The following TMIGD3 variants were observed in gnomAD, a reference collection of about 807,000 sequenced individuals.
TMIGD3 encodes the protein transmembrane and immunoglobulin domain containing 3.
In TMIGD3, 21 loss-of-function variants were observed where a neutral mutation model predicts 28.1. The ratio of observed to expected loss-of-function variants is 0.75; its 90% CI spans 0.53 to 1.08. The LOEUF (loss-of-function observed/expected upper bound fraction) is 1.08, where lower values mean the gene tolerates loss of function less well. Among genes scored for constraint, TMIGD3 ranks in the 50% least tolerant of loss-of-function variants. The pLI is 0.00. For missense variants in TMIGD3, 416 were observed against 435.6 expected, an observed-to-expected ratio of 0.96 and a Z score of 0.40; for synonymous variants, 151 against 162.1, an observed-to-expected ratio of 0.93 and a Z score of 0.52.
chr1:111,495,330 G>A (rs1035460789), intron 1 of TMIGD3, among the ~76,000 whole-genome samples: 1 of 152,138 alleles, frequency 6.6e-6, no homozygotes, highest in African/African-American at 2.4e-5. Flanking sequence ...TTCAAAAGAA[G>A]ACATACATGT....
At chr1:111,500,685 T>A in intron 1 of TMIGD3, 3 of 924,408 alleles carry the variant, frequency 3.2e-6, no homozygotes, top group Non-Finnish European at 5.0e-6. Context: ...AATCTTCTGC[T>A]AAGAGAGGGC....
At chr1:111,510,077 T>C (rs2100993330) in intron 1 of TMIGD3, among the ~76,000 whole-genome samples, 1 of 152,346 alleles carries the variant, frequency 6.6e-6, no homozygotes, top group South Asian at 2.1e-4. Context: ...GTAGACTTGC[T>C]TCCTAGGCTG....
intron 1 of TMIGD3, among the ~76,000 whole-genome samples, chr1:111,501,981 G>A (rs1416384906): frequency 6.8e-6 from 1 of 146,412 alleles, no homozygotes; most frequent in Non-Finnish European, 1.5e-5. Flanking sequence ...ATCTCAGGAG[G>A]AGGAGGAAAA....
intron 1 of TMIGD3, among the ~76,000 whole-genome samples, chr1:111,543,005 A>G (rs1342808304): frequency 6.6e-6 from 1 of 152,084 alleles, no homozygotes; most frequent in Non-Finnish European, 1.5e-5. Context: ...CCGGCCATGT[A>G]TTTGTTTTAT....
At chr1:111,541,275 C>A (rs561483502) in intron 1 of TMIGD3, among the ~76,000 whole-genome samples, 2 of 152,224 alleles carry the variant, frequency 1.3e-5, no homozygotes, top group East Asian at 3.9e-4. Context: ...AAATACAAAC[C>A]ATAATGGGAT....
chr1:111,557,423 G>A (rs1402237286), intron 1 of TMIGD3, among the ~76,000 whole-genome samples: 2 of 151,804 alleles, frequency 1.3e-5, no homozygotes, highest in African/African-American at 2.4e-5. Flanking sequence ...GGTGGGACCC[G>A]CCTGTAGTCC....
In TMIGD3 at chr1:111,532,803, C is replaced by T. The variant is rs542568219; in HGVS notation, c.107+31043G>A. Among the ~76,000 whole-genome samples, 20 of 152,252 alleles carry T rather than the reference C, an allele frequency of 1.3e-4. No individual in the cohort carries two copies. In the South Asian group the frequency reaches 3.5e-3, roughly 27 times the overall value. On this transcript the variant is annotated intron_variant, in intron 1 of 5. Coordinates refer to the TMIGD3 transcript ENST00000369717. ...GGCCCCGGCATGAAAGGCAATGGCACACTCCTTCTTCCAGAAACCTCAGCT... is the reference window on the plus strand; with the variant it reads ...GGCCCCGGCATGAAAGGCAATGGCATACTCCTTCTTCCAGAAACCTCAGCT...
intron 1 of TMIGD3, among the ~76,000 whole-genome samples, chr1:111,517,479 G>C (rs527905173): frequency 1.3e-5 from 2 of 152,236 alleles, no homozygotes; most frequent in East Asian, 3.9e-4. Context: ...TAGAAAACTG[G>C]TTAAATGTGT....
At chr1:111,499,700 A>T in intron 1 of TMIGD3, 2 of 1,288,150 alleles carry the variant, frequency 1.6e-6, no homozygotes, top group African/African-American at 3.0e-5. Flanking sequence ...AGACAATAAT[A>T]TCAATAATAC....
At chr1:111,520,470 G>T (rs1015330535) in intron 1 of TMIGD3, among the ~76,000 whole-genome samples, 2 of 152,276 alleles carry the variant, frequency 1.3e-5, no homozygotes, top group Admixed American at 1.3e-4. Context: ...GAAACTGGAA[G>T]ATTAGGACTT....
intron 5 of TMIGD3, among the ~76,000 whole-genome samples, chr1:111,484,276 T>G (rs1173530625): frequency 6.6e-6 from 1 of 152,224 alleles, no homozygotes; most frequent in Non-Finnish European, 1.5e-5. Flanking sequence ...GCATTTCTTT[T>G]GCCCATCTTT....
chr1:111,538,106 G>A (rs1557840794), intron 1 of TMIGD3, among the ~76,000 whole-genome samples: 1 of 152,130 alleles, frequency 6.6e-6, no homozygotes, highest in Non-Finnish European at 1.5e-5. Context: ...ATGATGTTAT[G>A]GATGATACCA....
chr1:111,532,845 G>A (rs1656500319), intron 1 of TMIGD3, among the ~76,000 whole-genome samples: 1 of 152,206 alleles, frequency 6.6e-6, no homozygotes, highest in South Asian at 2.1e-4. Flanking sequence ...CAAGGGTGAA[G>A]ATGGATGAGC....
intron 1 of TMIGD3, among the ~76,000 whole-genome samples, chr1:111,550,995 C>T (rs1657232954): frequency 6.6e-6 from 1 of 152,166 alleles, no homozygotes; most frequent in Non-Finnish European, 1.5e-5. Context: ...CTTTGTCTCT[C>T]ATGACAATTT....
chr1:111,500,370 G>A lies in TMIGD3; in HGVS notation c.350+2635C>T, dbSNP rs147279858. The A allele has an allele frequency of 4.1e-5, 66 of 1,614,186 alleles. No homozygotes were observed. In the African/African-American group the frequency reaches 8.3e-4, roughly 20 times the overall value. Reference sequence around the variant, plus strand: ...TGAAAATCCAGGTGAGGAAGCTGAAGTATACCATGTAGTCCATTCTCATGA... The same window carrying A: ...TGAAAATCCAGGTGAGGAAGCTGAAATATACCATGTAGTCCATTCTCATGA... On this transcript the variant is annotated intron_variant, in intron 1 of 5. Transcript: ENST00000369716.
intron 1 of TMIGD3, chr1:111,500,378 T>C (rs370087268): frequency 4.3e-6 from 7 of 1,614,166 alleles, no homozygotes; most frequent in Middle Eastern, 1.6e-4. Flanking sequence ...AAGTATACCA[T>C]GTAGTCCATT....
chr1:111,485,723 C>CA lies in TMIGD3; in HGVS notation c.973+16dup. 2 of 1,324,634 alleles carry CA rather than the reference C, an allele frequency of 1.5e-6. No homozygotes were observed. The highest frequency in any genetic ancestry group is 2.1e-6 in the Non-Finnish European group (2 of 933,682). 82.1% of individuals were successfully genotyped at this position (1,324,634 alleles called of 1,614,324 possible). A position where few individuals can be genotyped will look rare whatever the true frequency, so the allele number is the denominator to read the frequency against. ...TCTAATTCTTGCCCACCCCCTCCCT[C>CA]AACAATAGCTACTTACCCCTTCTAT... On this transcript the variant is annotated intron_variant, in intron 5 of 5. Coordinates refer to ENST00000369716, the MANE Select transcript of TMIGD3 (RefSeq NM_020683.7).
chr1:111,510,641 C>T (rs908032338), intron 1 of TMIGD3, among the ~76,000 whole-genome samples: 3 of 151,962 alleles, frequency 2.0e-5, no homozygotes, highest in Non-Finnish European at 4.4e-5. Context: ...CCTTGGCTAC[C>T]GGTGTTTTAA....
chr1:111,557,196 C>A (rs1557848726), intron 1 of TMIGD3, among the ~76,000 whole-genome samples: 1 of 152,108 alleles, frequency 6.6e-6, no homozygotes, highest in Admixed American at 6.5e-5. Context: ...GGAAAAGCAT[C>A]ATTTCTTCAA....
Sources: allele counts gnomAD v4.1 joint callset (sites outside exome capture counted in the v4.1 genomes callset), GRCh38; gene constraint gnomAD v4.1.1; transcripts MANE v1.5; gene names NCBI Gene and HGNC (gene_info 2026-07-23, HGNC 2026-07-21).